Variants in SGSM1 observed in about 807,000 individuals in gnomAD.
SGSM1 encodes the protein RUN and TBC1 domain containing 2.
SGSM1 carries 73 observed loss-of-function variants against 133.8 expected under a neutral mutation model. That is an observed-to-expected ratio of 0.55 (90% CI 0.45 to 0.66). SGSM1 has a LOEUF of 0.66. SGSM1 is among the 30% of genes least tolerant of loss of function. The probability of loss-of-function intolerance (pLI) is 0.00; values close to 1 mark genes in which losing one functional copy is unlikely to be tolerated. For synonymous variants in SGSM1, 563 were observed against 573.0 expected, an observed-to-expected ratio of 0.98 and a Z score of 0.25; for missense variants, 1,213 against 1,448.1, an observed-to-expected ratio of 0.84 and a Z score of 2.64.
At chr22:24,886,768 A>G (rs1290527754) in intron 16 of SGSM1, 40 bp downstream of exon 16, 9 of 1,555,318 alleles carry the variant, frequency 5.8e-6, no homozygotes, top group Non-Finnish European at 7.0e-6. Context: ...TTTGGCAACA[A>G]AAGGAGCCAG....
intron 23 of SGSM1, among the ~76,000 whole-genome samples, chr22:24,918,719 G>C (rs1054356467): frequency 6.6e-6 from 1 of 151,850 alleles, no homozygotes; most frequent in Admixed American, 6.6e-5. Context: ...ACATAGGAAG[G>C]CTTGCTTTTC....
intron 24 of SGSM1, among the ~76,000 whole-genome samples, chr22:24,923,739 C>T (rs1173889390): frequency 6.6e-6 from 1 of 152,192 alleles, no homozygotes; most frequent in African/African-American, 2.4e-5. Flanking sequence ...TCTTCTGCCT[C>T]AGCCTCCTGA....
intron 2 of SGSM1, among the ~76,000 whole-genome samples, chr22:24,836,570 T>G (rs778227311): frequency 2.6e-5 from 4 of 152,262 alleles, no homozygotes; most frequent in Non-Finnish European, 4.4e-5. Context: ...CTTCTGATCA[T>G]TGCACAAGGG....
chr22:24,879,628 TCTC>T (rs564009842), intron 14 of SGSM1, 102 bp downstream of exon 14: 496 of 1,100,152 alleles, frequency 4.5e-4, no homozygotes, highest in Admixed American at 1.3e-3. Flanking sequence ...AGTTTGAACC[TCTC>T]CTCCTCTATT....
At chr22:24,878,987 C>G (rs187182101) in intron 13 of SGSM1, among the ~76,000 whole-genome samples, 1,765 of 152,316 alleles carry the variant, frequency 0.012, 16 homozygotes, top group African/African-American at 0.04. Flanking sequence ...GCTCTGCTTG[C>G]TTCTATGATG....
chr22:24,890,355 A>C (rs374202950), intron 16 of SGSM1, among the ~76,000 whole-genome samples: 12 of 152,198 alleles, frequency 7.9e-5, no homozygotes, highest in African/African-American at 2.7e-4. Context: ...ATAAGTTCAC[A>C]AGAAGCTGCA....
Position 24,919,683 on chromosome 22 carries a change from C to G in SGSM1, c.3026-143C>G. On this transcript the variant is annotated intron_variant, in intron 23 of 24. Transcript: ENST00000400358. The stretch of plus-strand genomic sequence containing the variant: ...GAGCCCAGGTCTCCTGCCTTCTGAC[C>G]TGAGTTCTATCCACTGCACCAGGGC... The G allele has an allele frequency of 6.4e-6, 5 of 781,354 alleles. No individual in the cohort carries two copies. In the Admixed American group the frequency reaches 1.1e-4, roughly 17 times the overall value. The allele number at this position is 781,354 out of a possible 1,614,324, so 48.4% of individuals were successfully genotyped here. A position where few individuals can be genotyped will look rare whatever the true frequency, so the allele number is the denominator to read the frequency against.
intron 16 of SGSM1, among the ~76,000 whole-genome samples, chr22:24,889,593 A>G (rs575174124): frequency 3.6e-4 from 55 of 151,418 alleles, no homozygotes; most frequent in African/African-American, 1.3e-3. Context: ...TATTTTTAGT[A>G]GAGACGAGGT....
At position 24,920,607 on chromosome 22, in the gene SGSM1, C is replaced by G. The variant is rs141801998; in HGVS notation, c.3193+614C>G. Among the ~76,000 whole-genome samples, 301 of 152,060 alleles carry G rather than the reference C, an allele frequency of 2.0e-3. 7 individuals are homozygous for G. The East Asian group carries it at 0.053, about 27-fold the overall frequency. ...GTGGTACCTGGCTCATAGGAGGGACCCAATAAACAAAAGCTATTGCCACTG... is the reference window on the plus strand; with the variant it reads ...GTGGTACCTGGCTCATAGGAGGGACGCAATAAACAAAAGCTATTGCCACTG... On this transcript the variant is annotated intron_variant, in intron 24 of 24. Coordinates refer to ENST00000400358, the MANE Select transcript of SGSM1 (RefSeq NM_001098497.3).
chr22:24,859,308 C>A (rs73155769), intron 8 of SGSM1, among the ~76,000 whole-genome samples: 2,893 of 152,120 alleles, frequency 0.019, 132 homozygotes, highest in Admixed American at 0.12. Context: ...CTAGGAAGGG[C>A]CCTAGAGCTC....
In SGSM1 at chr22:24,893,457, T is replaced by C. The variant is rs746442006; in HGVS notation, c.1797T>C (p.Tyr599=). ...KEVDEQIHAC[Y]AQTMAEWLGC... ...TGGACGAGCAGATTCATGCCTGCTA[T>C]GCACAGACCATGGCTGAGTGGCTGG... The change falls in exon 17 of 25, where the codon TAT becomes TAC. Residue 599 remains tyrosine, a synonymous_variant. Coordinates refer to ENST00000400358, the MANE Select transcript of SGSM1 (RefSeq NM_001098497.3). The C allele has an allele frequency of 1.1e-5, 17 of 1,613,926 alleles. No individual in the cohort carries two copies. Among genetic ancestry groups the C allele is most frequent in the Non-Finnish European group, 1.4e-5 (16 of 1,179,838 alleles).
chr22:24,859,252 G>A (rs1930983586), intron 8 of SGSM1, among the ~76,000 whole-genome samples: 1 of 152,062 alleles, frequency 6.6e-6, no homozygotes. Flanking sequence ...CTACTGGGCG[G>A]GGAGTGTAGG....
intron 2 of SGSM1, among the ~76,000 whole-genome samples, chr22:24,811,763 A>G (rs892102631): frequency 1.3e-5 from 2 of 151,754 alleles, no homozygotes; most frequent in African/African-American, 4.8e-5. Context: ...CAGCTATTTG[A>G]GAGGCTGAGG....
chr22:24,892,061 G>C (rs1932823579), intron 16 of SGSM1, among the ~76,000 whole-genome samples: 1 of 152,160 alleles, frequency 6.6e-6, no homozygotes, highest in Non-Finnish European at 1.5e-5. Flanking sequence ...GCACGGTTCA[G>C]GGGGCGGGGT....
At chr22:24,847,541 C>G in intron 3 of SGSM1, 93 bp from the exon 4 acceptor site, 1 of 1,471,122 alleles carries the variant, frequency 6.8e-7, no homozygotes. Flanking sequence ...AGAGGGCTCT[C>G]CAAGGTTCCA....
At chr22:24,920,751 T>C (rs114225927) in intron 24 of SGSM1, among the ~76,000 whole-genome samples, 3,506 of 152,336 alleles carry the variant, frequency 0.023, 124 homozygotes, top group African/African-American at 0.073. Context: ...AGTAAACTTT[T>C]TGGGGGAATA....
intron 21 of SGSM1, among the ~76,000 whole-genome samples, chr22:24,912,017 T>G (rs1423212739): frequency 6.7e-6 from 1 of 148,596 alleles, no homozygotes; most frequent in Non-Finnish European, 1.5e-5. Flanking sequence ...ATTGCGCCAC[T>G]GCACTCCAGC....
chr22:24,923,423 A>C (rs1220287412), intron 24 of SGSM1, among the ~76,000 whole-genome samples: 2 of 152,156 alleles, frequency 1.3e-5, no homozygotes, highest in Non-Finnish European at 2.9e-5. Context: ...TTGGCTTAGA[A>C]GTCTGACCAC....
At chr22:24,908,209 CA>C (rs1933476650) in intron 21 of SGSM1, among the ~76,000 whole-genome samples, 1 of 152,098 alleles carries the variant, frequency 6.6e-6, no homozygotes, top group African/African-American at 2.4e-5. Flanking sequence ...CCACATACAA[CA>C]AACTAACTCA....
Sources: gnomAD v4.1 joint callset for allele counts (sites outside exome capture counted in the v4.1 genomes callset) on GRCh38, gnomAD v4.1.1 for gene constraint, MANE v1.5 for transcripts, NCBI Gene and HGNC (gene_info 2026-07-23, HGNC 2026-07-21) for gene names.